Variants in PUDP observed in about 807,000 individuals in gnomAD.
PUDP encodes the protein pseudouridine-5'-phosphatase.
In PUDP, 8 loss-of-function variants were observed where a neutral mutation model predicts 9.4. The ratio of observed to expected loss-of-function variants is 0.85; its 90% confidence interval spans 0.50 to 1.53. The LOEUF is 1.53. Among genes scored for constraint, PUDP ranks in the 40% most tolerant of loss-of-function variants. PUDP has a pLI of 0.00. For missense variants in PUDP, 188 were observed against 189.7 expected (o/e 0.99, Z 0.05); for synonymous variants, 99 against 80.7 (o/e 1.23, Z -1.22).
intron 3 of PUDP, among the ~76,000 whole-genome samples, chrX:6,968,440 G>A (rs138623912): frequency 0.028 from 3,160 of 111,238 alleles, 55 homozygotes; most frequent in African/African-American, 0.063. Context: ...GGCCCTGTGG[G>A]TCTGGGGCAG....
At chrX:6,930,511 T>C in intron 3 of PUDP, among the ~76,000 whole-genome samples, 1 of 111,379 alleles carries the variant, frequency 9.0e-6, no homozygotes, top group East Asian at 2.8e-4. Context: ...AGTTACCCCA[T>C]ATGGTCTAAA....
intron 3 of PUDP, among the ~76,000 whole-genome samples, chrX:6,929,073 A>G (rs1928150762): frequency 2.7e-5 from 3 of 112,392 alleles, no homozygotes; most frequent in Non-Finnish European, 3.7e-5. Flanking sequence ...AGCACACGCC[A>G]GAAACGAGAA....
At chrX:6,924,002 A>G (rs1928063132) in intron 3 of PUDP, among the ~76,000 whole-genome samples, 1 of 110,707 alleles carries the variant, frequency 9.0e-6, no homozygotes, top group African/African-American at 3.3e-5. Flanking sequence ...GCTGGCTGAG[A>G]TGTTATCCTG....
chrX:6,845,322 C>A (rs930107070), intron 3 of PUDP, among the ~76,000 whole-genome samples: 1 of 111,751 alleles, frequency 8.9e-6, no homozygotes, highest in African/African-American at 3.3e-5. Flanking sequence ...ATGATTAGAC[C>A]TGCATGTGAA....
intron 3 of PUDP, among the ~76,000 whole-genome samples, chrX:6,844,127 T>A (rs919463620): frequency 8.9e-6 from 1 of 112,488 alleles, no homozygotes; most frequent in Non-Finnish European, 1.9e-5. Context: ...ATTGAGTGTT[T>A]CTCACCTTGA....
chrX:6,728,372 A>G (rs749791345), intron 3 of PUDP, among the ~76,000 whole-genome samples: 7 of 110,668 alleles, frequency 6.3e-5, no homozygotes, highest in African/African-American at 2.3e-4. Context: ...ACATACATGC[A>G]CACACACACA....
intron 2 of PUDP, among the ~76,000 whole-genome samples, chrX:7,092,093 A>T (rs1239947092): frequency 8.8e-6 from 1 of 113,028 alleles, no homozygotes; most frequent in Non-Finnish European, 1.9e-5. Flanking sequence ...GTAATGGCCT[A>T]CAAGGCCAGG....
At chrX:6,837,366 T>G (rs1417075884) in intron 3 of PUDP, among the ~76,000 whole-genome samples, 1 of 112,710 alleles carries the variant, frequency 8.9e-6, no homozygotes, top group Non-Finnish European at 1.9e-5. Flanking sequence ...AGCACAAAGC[T>G]ACGATGGAAG....
rs780330767 is a variant in PUDP, at chrX:6,900,355, G to A, written c.*247+76778C>T. ...GGGGGGGGCGCTGCTACTGGCATCT[G>A]GTGGGTGGAGGCCACAGATGCTGTT... On this transcript the variant is annotated intron_variant and NMD_transcript_variant, in intron 3 of 3. Transcript: ENST00000655425. 1.2e-4 allele frequency among the ~76,000 whole-genome samples: 13 copies of A among 104,927 alleles called. No individual in the cohort carries two copies. In the East Asian group the frequency reaches 3.7e-3, roughly 30 times the overall value. The allele number at this position is 104,927 out of a possible 115,157, so 91.1% of individuals were successfully genotyped here.
chrX:6,713,177 G>A (rs1171831939), intron 1 of PUDP, among the ~76,000 whole-genome samples: 1 of 112,466 alleles, frequency 8.9e-6, no homozygotes, highest in Non-Finnish European at 1.9e-5. Flanking sequence ...ACAATGGCAA[G>A]TCCATGGAGA....
At chrX:6,829,721 C>G (rs1374698491) in intron 3 of PUDP, among the ~76,000 whole-genome samples, 4 of 111,632 alleles carry the variant, frequency 3.6e-5, no homozygotes, top group African/African-American at 9.8e-5. Context: ...ATTTTAAAGT[C>G]AGGATATTGT....
chrX:6,922,676 A>G (rs1928043649), intron 3 of PUDP, among the ~76,000 whole-genome samples: 1 of 111,843 alleles, frequency 8.9e-6, no homozygotes, highest in Non-Finnish European at 1.9e-5. Flanking sequence ...CTGACTTCAC[A>G]GAAAGAAATG....
In PUDP at chrX:6,777,701, A is replaced by G. The variant is rs148699478; in HGVS notation, c.*248-71235T>C. 3.3e-3 allele frequency among the ~76,000 whole-genome samples: 372 copies of G among 112,162 alleles called. 1 individual carries two copies. The highest frequency in any genetic ancestry group is 5.6e-3 in the Non-Finnish European group (296 of 53,295). ...AAATCCTTTTTGGGGAAGAGGCAAT[A>G]GAGAAACAGAAAAACAAGTCAACAA... On this transcript the variant is annotated intron_variant and NMD_transcript_variant, in intron 3 of 3. Coordinates refer to the PUDP transcript ENST00000655425.
intron 3 of PUDP, among the ~76,000 whole-genome samples, chrX:6,740,880 C>T (rs1490540806): frequency 8.0e-5 from 9 of 111,908 alleles, no homozygotes; most frequent in Non-Finnish European, 1.5e-4. Flanking sequence ...TGGCAGAGGC[C>T]AGGTGCGGTG....
At chrX:7,126,104 A>T (rs1932480060) in intron 1 of PUDP, among the ~76,000 whole-genome samples, 1 of 112,213 alleles carries the variant, frequency 8.9e-6, no homozygotes, top group East Asian at 2.8e-4. Flanking sequence ...TGTAAGAAAA[A>T]CATTAAGAAT....
At chrX:7,130,950 G>A (rs749189070) in intron 1 of PUDP, among the ~76,000 whole-genome samples, 2 of 111,959 alleles carry the variant, frequency 1.8e-5, no homozygotes, top group South Asian at 3.7e-4. Flanking sequence ...GTTCAAAGAC[G>A]AGTGTAGGTC....
intron 3 of PUDP, among the ~76,000 whole-genome samples, chrX:6,836,389 G>A (rs1275863129): frequency 8.9e-6 from 1 of 111,963 alleles, no homozygotes; most frequent in Non-Finnish European, 1.9e-5. Context: ...AAATGAAGGT[G>A]TTGTCAGGGT....
chrX:7,053,915 G>A (rs1602732777), intron 3 of PUDP, among the ~76,000 whole-genome samples: 1 of 111,824 alleles, frequency 8.9e-6, no homozygotes, highest in Non-Finnish European at 1.9e-5. Context: ...TGTTTCTCAT[G>A]GCTTTCACGT....
intron 1 of PUDP, among the ~76,000 whole-genome samples, chrX:7,108,895 A>G (rs1260668564): frequency 8.9e-6 from 1 of 111,984 alleles, no homozygotes; most frequent in Non-Finnish European, 1.9e-5. Context: ...ACACCAAACA[A>G]ACCTCAGAAC....
Sources: gnomAD v4.1 joint callset for allele counts (sites outside exome capture counted in the v4.1 genomes callset) on GRCh38, gnomAD v4.1.1 for gene constraint, MANE v1.5 for transcripts, NCBI Gene and HGNC (gene_info 2026-07-23, HGNC 2026-07-21) for gene names.